RGS6: variants seen among roughly 807,000 people sequenced by gnomAD.
The protein encoded by RGS6 is regulator of G protein signaling 6.
Under a neutral mutation model 78.5 loss-of-function variants are expected in RGS6, and 30 were observed. That is an observed-to-expected ratio of 0.38 (90% CI 0.29 to 0.52). RGS6 has a LOEUF of 0.52. RGS6 is among the 20% of genes least tolerant of loss of function. The pLI, the probability that RGS6 is intolerant of heterozygous loss-of-function variation, is 0.85. For synonymous variants in RGS6, 206 were observed against 206.0 expected (o/e 1.00, Z 0.00); for missense variants, 495 against 609.7 (o/e 0.81, Z 1.98).
chr14:72,500,831 A>C (rs17116583), intron 13 of RGS6, among the ~76,000 whole-genome samples: 7,750 of 152,286 alleles, frequency 0.051, 609 homozygotes, highest in African/African-American at 0.17. Flanking sequence ...ACAAAAACTA[A>C]GTCTCTGTGC....
At chr14:72,329,736 G>C (rs955539398) in intron 2 of RGS6, among the ~76,000 whole-genome samples, 4 of 152,222 alleles carry the variant, frequency 2.6e-5, no homozygotes, top group Admixed American at 2.6e-4. Context: ...TGGAGCAGCT[G>C]TGTGACAGAT....
At chr14:72,435,968 T>C (rs997706745) in intron 3 of RGS6, among the ~76,000 whole-genome samples, 6 of 152,184 alleles carry the variant, frequency 3.9e-5, no homozygotes, top group Non-Finnish European at 8.8e-5. Context: ...CATTATTCTA[T>C]TGTCATGTAT....
chr14:72,369,831 CAATT>C (rs1209575475), intron 3 of RGS6, among the ~76,000 whole-genome samples: 4 of 152,110 alleles, frequency 2.6e-5, no homozygotes, highest in African/African-American at 9.6e-5. Flanking sequence ...GGAATTAAAT[CAATT>C]AGTTATAAAA....
At chr14:72,508,629 A>G (rs1598475118) in intron 13 of RGS6, among the ~76,000 whole-genome samples, 1 of 130,582 alleles carries the variant, frequency 7.7e-6, no homozygotes, top group South Asian at 2.3e-4. Flanking sequence ...AGAATATGTC[A>G]GCTCCATAAT....
intron 5 of RGS6, 46 bp from the exon 6 acceptor site, chr14:72,459,586 C>A: frequency 6.2e-7 from 1 of 1,605,518 alleles, no homozygotes; most frequent in Non-Finnish European, 8.5e-7. Context: ...GAGGGAAGCG[C>A]AGGCATGGCG....
chr14:72,267,508 C>T (rs1240078980), intron 2 of RGS6, among the ~76,000 whole-genome samples: 1 of 152,170 alleles, frequency 6.6e-6, no homozygotes, highest in African/African-American at 2.4e-5. Context: ...AGACAAGTAA[C>T]TTTTTTGCTG....
intron 2 of RGS6, among the ~76,000 whole-genome samples, chr14:72,004,276 G>T (rs2084084536): frequency 6.6e-6 from 1 of 152,096 alleles, no homozygotes; most frequent in Non-Finnish European, 1.5e-5. Flanking sequence ...TTGCTACTAG[G>T]CTTTAAAAAA....
chr14:72,060,371 CTTT>C (rs34086688), intron 2 of RGS6, among the ~76,000 whole-genome samples: 1 of 137,002 alleles, frequency 7.3e-6, no homozygotes, highest in Non-Finnish European at 1.6e-5. Context: ...CCCCTCCCAC[CTTT>C]TTTTTTTTTT....
At chr14:72,158,440 A>T (rs1050240142) in intron 2 of RGS6, among the ~76,000 whole-genome samples, 5 of 152,184 alleles carry the variant, frequency 3.3e-5, no homozygotes, top group Non-Finnish European at 7.3e-5. Context: ...ACTTCCACAT[A>T]TAATTTTTTG....
At chr14:72,078,509 G>C (rs1161153989) in intron 2 of RGS6, among the ~76,000 whole-genome samples, 1 of 152,026 alleles carries the variant, frequency 6.6e-6, no homozygotes, top group Non-Finnish European at 1.5e-5. Flanking sequence ...CGCCTCCCAG[G>C]TTCAAGTGAT....
At chr14:72,191,562 G>A (rs1443371642) in intron 2 of RGS6, among the ~76,000 whole-genome samples, 3 of 152,220 alleles carry the variant, frequency 2.0e-5, no homozygotes, top group Non-Finnish European at 2.9e-5. Flanking sequence ...ATGGCAGCAG[G>A]CATGTGCAGG....
intron 2 of RGS6, among the ~76,000 whole-genome samples, chr14:72,036,199 C>CTT (rs754097870): frequency 1.2e-3 from 90 of 76,620 alleles, no homozygotes; most frequent in Admixed American, 4.0e-3. Flanking sequence ...TGCATGTAAA[C>CTT]ATATTATTAT....
chr14:71,887,570 T>C, the RGS6 span, among the ~76,000 whole-genome samples: 10 of 150,098 alleles, frequency 6.7e-5, no homozygotes, highest in African/African-American at 7.3e-5. Flanking sequence ...GTCTGTTTTA[T>C]GCAGTTGAGA....
At chr14:71,934,495 A>G (rs1475276810) in intron 1 of RGS6, among the ~76,000 whole-genome samples, 1 of 152,228 alleles carries the variant, frequency 6.6e-6, no homozygotes, top group Non-Finnish European at 1.5e-5. Flanking sequence ...CACTGAATTT[A>G]TATTGCTGAG....
chr14:72,187,531 C>T (rs1397885147), intron 2 of RGS6, among the ~76,000 whole-genome samples: 4 of 152,076 alleles, frequency 2.6e-5, no homozygotes, highest in African/African-American at 9.7e-5. Flanking sequence ...CTTTTATTTC[C>T]ATCTTGACAG....
chr14:72,142,462 G>A (rs1396094236), intron 2 of RGS6, among the ~76,000 whole-genome samples: 1 of 152,150 alleles, frequency 6.6e-6, no homozygotes, highest in East Asian at 1.9e-4. Flanking sequence ...GCTTCGCCAG[G>A]CCTGCATGAA....
At chr14:72,065,288 TC>T (rs772136523) in intron 2 of RGS6, among the ~76,000 whole-genome samples, 22 of 152,232 alleles carry the variant, frequency 1.4e-4, no homozygotes, top group Admixed American at 5.2e-4. Flanking sequence ...TTGCATTTTT[TC>T]CTGCATTATT....
At chr14:72,277,358 G>C (rs1426433049) in intron 2 of RGS6, among the ~76,000 whole-genome samples, 1 of 152,174 alleles carries the variant, frequency 6.6e-6, no homozygotes, top group Non-Finnish European at 1.5e-5. Flanking sequence ...AGCACTTTGG[G>C]AGGCCGAAGC....
intron 3 of RGS6, among the ~76,000 whole-genome samples, chr14:72,354,020 G>GCACA (rs55728308): frequency 0.12 from 17,977 of 151,398 alleles, 1,058 homozygotes; most frequent in East Asian, 0.18. Context: ...TCATGGAACA[G>GCACA]CACACACACA....
Sources: gnomAD v4.1 joint callset for allele counts (sites outside exome capture counted in the v4.1 genomes callset) on GRCh38, gnomAD v4.1.1 for gene constraint, MANE v1.5 for transcripts, NCBI Gene and HGNC (gene_info 2026-07-23, HGNC 2026-07-21) for gene names.